The following SHISA6 variants were observed in gnomAD, a reference collection of about 807,000 sequenced individuals.
SHISA6 encodes protein shisa-6.
In SHISA6, 22 loss-of-function variants were observed where a neutral mutation model predicts 47.9. The ratio of observed to expected loss-of-function variants is 0.46; its 90% CI spans 0.33 to 0.66. The LOEUF (loss-of-function observed/expected upper bound fraction) is 0.66, where lower values mean the gene tolerates loss of function less well. Ranked by LOEUF, SHISA6 falls within the 30% of genes least tolerant of loss-of-function variation. The pLI, the probability that SHISA6 is intolerant of heterozygous loss-of-function variation, is 0.02. For missense variants in SHISA6, 680 were observed against 764.6 expected, an observed-to-expected ratio of 0.89 and a Z score of 1.30; for synonymous variants, 388 against 337.8, an observed-to-expected ratio of 1.15 and a Z score of -1.63.
chr17:11,378,345 G>A (rs951658058), intron 2 of SHISA6, among the ~76,000 whole-genome samples: 1 of 151,552 alleles, frequency 6.6e-6, no homozygotes, highest in Non-Finnish European at 1.5e-5. Context: ...GTGTGTGTGT[G>A]TGCGCGCACA....
At chr17:11,411,246 G>A (rs1914107200) in intron 3 of SHISA6, among the ~76,000 whole-genome samples, 2 of 152,092 alleles carry the variant, frequency 1.3e-5, no homozygotes, top group Non-Finnish European at 2.9e-5. Context: ...GGGATTACAG[G>A]TGTGAGCCAC....
intron 3 of SHISA6, among the ~76,000 whole-genome samples, chr17:11,443,483 G>A (rs1915146786): frequency 6.6e-6 from 1 of 152,238 alleles, no homozygotes. Context: ...ATTGAAGGGA[G>A]TGGAAGGAGG....
At chr17:11,311,298 A>AAAAAAAAC (rs1555527561) in intron 2 of SHISA6, among the ~76,000 whole-genome samples, 5 of 133,208 alleles carry the variant, frequency 3.8e-5, no homozygotes, top group African/African-American at 8.6e-5. Flanking sequence ...AAAAAAAAAA[A>AAAAAAAAC]AACCGACAAA....
chr17:11,492,602 T>C (rs1394269471), intron 3 of SHISA6, among the ~76,000 whole-genome samples: 2 of 152,212 alleles, frequency 1.3e-5, no homozygotes, highest in Non-Finnish European at 2.9e-5. Context: ...TTACACATCA[T>C]GGTGCATGGT....
At chr17:11,404,881 C>G (rs951444664) in intron 3 of SHISA6, among the ~76,000 whole-genome samples, 1 of 152,126 alleles carries the variant, frequency 6.6e-6, no homozygotes, top group Non-Finnish European at 1.5e-5. Flanking sequence ...CAACAGATGC[C>G]GATTACATAG....
intron 2 of SHISA6, among the ~76,000 whole-genome samples, chr17:11,336,829 T>C (rs1426811621): frequency 6.6e-6 from 1 of 152,224 alleles, no homozygotes; most frequent in African/African-American, 2.4e-5. Flanking sequence ...CTGTCACCTC[T>C]GATTTCTTCC....
chr17:11,418,772 C>T (rs1914360538), intron 3 of SHISA6, among the ~76,000 whole-genome samples: 1 of 152,198 alleles, frequency 6.6e-6, no homozygotes, highest in Admixed American at 6.5e-5. Flanking sequence ...CACCTGCCTA[C>T]TGCTGTCATC....
Position 11,334,238 on chromosome 17 carries a change from C to T in SHISA6, c.800-45176C>T, listed in dbSNP as rs188934125. On this transcript the variant is annotated intron_variant, in intron 2 of 5. Coordinates refer to ENST00000441885, the MANE Select transcript of SHISA6 (RefSeq NM_207386.4). ...GAGCCTGTAAGTGCTGAGGTTTGCC[C>T]TAACTCTAGGTAGTAAATATCAGAA... 1.2e-3 allele frequency among the ~76,000 whole-genome samples: 178 copies of T among 152,162 alleles called. 1 individual carries two copies. Among genetic ancestry groups the T allele is most frequent in the African/African-American group, 4.2e-3 (173 of 41,506 alleles).
At position 11,254,867 on chromosome 17, in the gene SHISA6, C is replaced by G. The variant is rs139075145; in HGVS notation, c.639-8499C>G. Reference sequence around the variant, plus strand: ...AGTCTGTCCTCATGGGACGTGGGTTCAACTTCACACTGGGGCAGAGGCTGT... The same window carrying G: ...AGTCTGTCCTCATGGGACGTGGGTTGAACTTCACACTGGGGCAGAGGCTGT... On this transcript the variant is annotated intron_variant, in intron 1 of 5. Transcript: ENST00000441885. Among the ~76,000 whole-genome samples the G allele has an allele frequency of 6.2e-3, 937 of 152,312 alleles. 9 individuals carry two copies. The highest frequency in any genetic ancestry group is 0.021 in the African/African-American group (879 of 41,574).
At chr17:11,511,398 C>T (rs2071540244) in intron 3 of SHISA6, among the ~76,000 whole-genome samples, 1 of 152,040 alleles carries the variant, frequency 6.6e-6, no homozygotes, top group African/African-American at 2.4e-5. Flanking sequence ...CACATGTATA[C>T]CTGTGTAACA....
At chr17:11,450,407 G>A (rs113133086) in intron 3 of SHISA6, among the ~76,000 whole-genome samples, 5,342 of 152,048 alleles carry the variant, frequency 0.035, 113 homozygotes, top group Non-Finnish European at 0.043. Context: ...CTGTAATCCG[G>A]GCACTTTGGG....
intron 3 of SHISA6, among the ~76,000 whole-genome samples, chr17:11,458,768 A>T (rs959793921): frequency 8.5e-5 from 13 of 152,324 alleles, no homozygotes; most frequent in African/African-American, 3.1e-4. Flanking sequence ...CAGGCTCCAC[A>T]TGGATCTGCT....
chr17:11,310,155 A>T (rs768104956), intron 2 of SHISA6, among the ~76,000 whole-genome samples: 1 of 152,204 alleles, frequency 6.6e-6, no homozygotes, highest in African/African-American at 2.4e-5. Flanking sequence ...AGTCTCCATT[A>T]TACATGCTAT....
At chr17:11,345,555 A>C (rs1023190647) in intron 2 of SHISA6, among the ~76,000 whole-genome samples, 8 of 152,124 alleles carry the variant, frequency 5.3e-5, no homozygotes, top group Non-Finnish European at 8.8e-5. Context: ...GCTGTAAATC[A>C]ATTTGGGGAA....
intron 2 of SHISA6, among the ~76,000 whole-genome samples, chr17:11,371,239 G>A (rs1912621732): frequency 6.6e-6 from 1 of 152,194 alleles, no homozygotes; most frequent in South Asian, 2.1e-4. Flanking sequence ...GCAGAGAGGA[G>A]CACAGGTCTC....
chr17:11,386,039 A>C (rs1452942540), intron 3 of SHISA6, among the ~76,000 whole-genome samples: 4 of 152,060 alleles, frequency 2.6e-5, no homozygotes, highest in Non-Finnish European at 4.4e-5. Context: ...GACGTCTGGG[A>C]TGTGCTCATT....
At chr17:11,471,771 T>C (rs567665277) in intron 3 of SHISA6, among the ~76,000 whole-genome samples, 43 of 152,316 alleles carry the variant, frequency 2.8e-4, no homozygotes, top group Admixed American at 7.8e-4. Flanking sequence ...GCACATATTC[T>C]TTCTTAAAAG....
intron 2 of SHISA6, among the ~76,000 whole-genome samples, chr17:11,265,722 T>C (rs1483968245): frequency 6.6e-6 from 1 of 152,196 alleles, no homozygotes; most frequent in Non-Finnish European, 1.5e-5. Flanking sequence ...TTCCCCTCTC[T>C]CTGTTCGGGT....
chr17:11,458,083 T>TA (rs56304029), intron 3 of SHISA6, among the ~76,000 whole-genome samples: 11,776 of 114,404 alleles, frequency 0.1, 872 homozygotes, highest in African/African-American at 0.22. Context: ...AGACTCTGTC[T>TA]AAAAAAAAAA....
Sources: allele counts gnomAD v4.1 joint callset (sites outside exome capture counted in the v4.1 genomes callset), GRCh38; gene constraint gnomAD v4.1.1; transcripts MANE v1.5; gene names NCBI Gene and HGNC (gene_info 2026-07-23, HGNC 2026-07-21).